The following CLEC16A variants were observed in gnomAD, a reference collection of about 807,000 sequenced individuals.
CLEC16A encodes protein CLEC16A.
A neutral mutation model predicts 109.5 loss-of-function variants in CLEC16A; 51 were observed. That is an observed-to-expected ratio of 0.47 (90% CI 0.37 to 0.59). The LOEUF (loss-of-function observed/expected upper bound fraction) is 0.59, where lower values mean the gene tolerates loss of function less well. Among genes scored for constraint, CLEC16A ranks in the 20% least tolerant of loss-of-function variants. The probability of loss-of-function intolerance (pLI) is 0.00; values close to 1 mark genes in which losing one functional copy is unlikely to be tolerated. For missense variants in CLEC16A, 1,339 were observed against 1,394.0 expected (o/e 0.96, Z 0.63); for synonymous variants, 673 against 564.2 (o/e 1.19, Z -2.73).
At chr16:11,006,259 G>A (rs2045002990) in intron 11 of CLEC16A, among the ~76,000 whole-genome samples, 1 of 152,144 alleles carries the variant, frequency 6.6e-6, no homozygotes, top group African/African-American at 2.4e-5. Context: ...GGCCTGGCCC[G>A]CATGACAAAT....
intron 13 of CLEC16A, among the ~76,000 whole-genome samples, chr16:11,028,208 A>ACC (rs2046533475): frequency 6.6e-6 from 1 of 152,162 alleles, no homozygotes; most frequent in Non-Finnish European, 1.5e-5. Flanking sequence ...CAACAAAAAG[A>ACC]AAAGACAGTA....
intron 23 of CLEC16A, among the ~76,000 whole-genome samples, chr16:11,170,164 A>G (rs2068444763): frequency 6.6e-6 from 1 of 152,138 alleles, no homozygotes; most frequent in Non-Finnish European, 1.5e-5. Flanking sequence ...TCCTGGTTGG[A>G]GGCAGCCCAT....
intron 21 of CLEC16A, among the ~76,000 whole-genome samples, chr16:11,124,906 G>A (rs1288032535): frequency 1.3e-5 from 2 of 152,176 alleles, no homozygotes; most frequent in African/African-American, 4.8e-5. Context: ...GGGAAACATG[G>A]CAAGACCCTG....
chr16:11,164,890 C>T (rs1043238668), intron 22 of CLEC16A, among the ~76,000 whole-genome samples: 5 of 152,176 alleles, frequency 3.3e-5, no homozygotes, highest in African/African-American at 9.7e-5. Flanking sequence ...AGAGCTGGAC[C>T]GTGTGAAGTT....
Position 10,977,238 on chromosome 16 carries a change from G to C in CLEC16A, c.742G>C (p.Gly248Arg). 1 of 1,613,810 alleles carries C rather than the reference G, an allele frequency of 6.2e-7. No homozygotes were observed. ...TTCTCCTGGCAGGCATCGGAATCGG[G>C]GTAAACTGAGTGATCTGGTGGCAGA... ...VQTDEEHRNR[G>R]KLSDLVAEHL... Residue 248 changes from glycine to arginine, a missense_variant, in exon 8 of 24, where the codon GGT becomes CGT. This residue lies in a region of CLEC16A where 161 missense variants were observed against 267.1 expected (regional missense o/e 0.60). Coordinates refer to ENST00000409790, the MANE Select transcript of CLEC16A (RefSeq NM_015226.3).
intron 22 of CLEC16A, among the ~76,000 whole-genome samples, chr16:11,144,481 C>T (rs2053971680): frequency 6.6e-6 from 1 of 152,008 alleles, no homozygotes; most frequent in South Asian, 2.1e-4. Flanking sequence ...AAAGAAAAGC[C>T]ACCCTCCCCT....
intron 13 of CLEC16A, among the ~76,000 whole-genome samples, chr16:11,033,152 A>G (rs1567221605): frequency 2.0e-5 from 3 of 152,120 alleles, no homozygotes; most frequent in Admixed American, 6.5e-5. Context: ...GTGCTGATGG[A>G]TTGAATGTAG....
chr16:11,006,093 C>A (rs990812541), intron 11 of CLEC16A, among the ~76,000 whole-genome samples: 1 of 152,080 alleles, frequency 6.6e-6, no homozygotes, highest in Non-Finnish European at 1.5e-5. Flanking sequence ...CAGGGCTGGG[C>A]CCAGGTGCGC....
intron 21 of CLEC16A, among the ~76,000 whole-genome samples, chr16:11,124,941 G>C (rs2052695904): frequency 6.6e-6 from 1 of 152,126 alleles, no homozygotes; most frequent in South Asian, 2.1e-4. Context: ...TTACAAAAAT[G>C]AGCCAGGCGT....
chr16:10,982,170 C>T (rs1254532241), intron 9 of CLEC16A, among the ~76,000 whole-genome samples: 1 of 152,226 alleles, frequency 6.6e-6, no homozygotes, highest in East Asian at 1.9e-4. Flanking sequence ...CTTTGCAAGA[C>T]AGTTTTGAAT....
intron 18 of CLEC16A, among the ~76,000 whole-genome samples, chr16:11,058,492 A>G (rs1355300354): frequency 6.6e-6 from 1 of 152,138 alleles, no homozygotes; most frequent in Admixed American, 6.5e-5. Context: ...AATAAGGAAA[A>G]AAGTCTGTAC....
chr16:11,112,515 AG>A (rs1262508672), intron 19 of CLEC16A, among the ~76,000 whole-genome samples: 3 of 150,424 alleles, frequency 2.0e-5, no homozygotes, highest in Non-Finnish European at 3.0e-5. Flanking sequence ...AAAAAAAAAA[AG>A]ATTACCCAGG....
Position 10,986,836 on chromosome 16 carries a change from G to T in CLEC16A, c.1071+3845G>T, listed in dbSNP as rs533261431. Among the ~76,000 whole-genome samples, 16 of 147,336 alleles carry T rather than the reference G, an allele frequency of 1.1e-4. No homozygotes were observed. In the East Asian group the frequency reaches 1.2e-3, roughly 11 times the overall value. ...ATCATTATGCAGTTTTAGTTTTTTT[G>T]ATTTTTTTTTTGGTGTGTTTTGTTT... On this transcript the variant is annotated intron_variant, in intron 10 of 23. Coordinates refer to ENST00000409790, the MANE Select transcript of CLEC16A (RefSeq NM_015226.3).
In CLEC16A at chr16:11,042,248, C is replaced by G; in HGVS notation, c.1661-6C>G. ...TGTGCAAGGCTTACCCTGGTGTGCT[C>G]TGCAGATGGGAAGATCCGGCTGGCG... On this transcript the variant is annotated splice_region_variant and splice_polypyrimidine_tract_variant and intron_variant, in intron 14 of 23. Transcript: ENST00000409790. The G allele has an allele frequency of 6.4e-7, 1 of 1,570,370 alleles. No individual in the cohort carries two copies. Among genetic ancestry groups the G allele is most frequent in the Non-Finnish European group, 8.6e-7 (1 of 1,157,620 alleles).
intron 14 of CLEC16A, 97 bp from the exon 15 acceptor site, chr16:11,042,157 C>A: frequency 1.2e-6 from 1 of 864,644 alleles, no homozygotes; most frequent in Non-Finnish European, 1.8e-6. Context: ...GTTGGTCTAT[C>A]ATGTGACCTG....
chr16:10,999,654 C>A (rs1372119351), intron 10 of CLEC16A, among the ~76,000 whole-genome samples: 1 of 152,208 alleles, frequency 6.6e-6, no homozygotes, highest in African/African-American at 2.4e-5. Flanking sequence ...GAAATTTCCC[C>A]AGTAAGCATG....
intron 5 of CLEC16A, among the ~76,000 whole-genome samples, chr16:10,972,026 C>G (rs568492849): frequency 6.6e-6 from 1 of 152,204 alleles, no homozygotes; most frequent in Admixed American, 6.5e-5. Context: ...AATTTAAGAA[C>G]CTTTCTAAGA....
chr16:11,156,395 A>G (rs899771420), intron 22 of CLEC16A, among the ~76,000 whole-genome samples: 26 of 150,522 alleles, frequency 1.7e-4, no homozygotes, highest in African/African-American at 6.1e-4. Context: ...AAACACAACT[A>G]ATCTGCCACT....
Position 11,178,579 on chromosome 16 carries a change from C to T in CLEC16A, c.3051C>T (p.Ser1017=). The change falls in exon 24 of 24, where the codon AGC becomes AGT. Residue 1017 remains serine, a synonymous_variant. Transcript: ENST00000409790. This position sits in a 1 kb window ranked among gnomAD's most constrained non-coding sequence, Gnocchi z 6.5. ...LTLVPPVDPH[S]LRSLTGMPPL... Reference sequence around the variant, plus strand: ...TTGTCCCCCCAGTTGACCCCCACAGCCTCCGCAGCCTCACCGGCATGCCCC... The same window carrying T: ...TTGTCCCCCCAGTTGACCCCCACAGTCTCCGCAGCCTCACCGGCATGCCCC... 6.2e-7 allele frequency: 1 copy of T among 1,610,640 alleles called. No homozygotes were observed. Among genetic ancestry groups the T allele is most frequent in the Non-Finnish European group, 8.5e-7 (1 of 1,179,664 alleles).
Sources: gnomAD v4.1 joint callset for allele counts (sites outside exome capture counted in the v4.1 genomes callset) on GRCh38, gnomAD v4.1.1 for gene constraint, gnomAD v4.1.1 regional missense constraint, Gnocchi (gnomAD v3.1) non-coding constraint, MANE v1.5 for transcripts, NCBI Gene and HGNC (gene_info 2026-07-23, HGNC 2026-07-21) for gene names.